Variants in EPB41L2 observed in about 807,000 individuals in gnomAD.
The protein encoded by EPB41L2 is band 4.1-like protein 2.
A neutral mutation model predicts 113.0 loss-of-function variants in EPB41L2; 43 were observed. The ratio of observed to expected loss-of-function variants is 0.38; its 90% CI spans 0.30 to 0.49. The LOEUF (loss-of-function observed/expected upper bound fraction) is 0.49. Among genes scored for constraint, EPB41L2 ranks in the 20% least tolerant of loss-of-function variants. The probability of loss-of-function intolerance (pLI) is 0.95; values close to 1 mark genes in which losing one functional copy is unlikely to be tolerated. For missense variants in EPB41L2, 1,147 were observed against 1,223.4 expected, an observed-to-expected ratio of 0.94 and a Z score of 0.93; for synonymous variants, 442 against 436.7, an observed-to-expected ratio of 1.01 and a Z score of -0.15.
At chr6:130,840,655 T>A (rs1775182389) in intron 19 of EPB41L2, 57 bp from the exon 20 acceptor site, 1 of 149,246 alleles carries the variant, frequency 6.7e-6, no homozygotes, top group East Asian at 2.0e-4. Context: ...AAACACAGGC[T>A]TGAAAAAAAT....
At chr6:131,047,970 C>T (rs1341915474) in intron 1 of EPB41L2, among the ~76,000 whole-genome samples, 1 of 151,830 alleles carries the variant, frequency 6.6e-6, no homozygotes, top group East Asian at 1.9e-4. Context: ...GAAACCCTGT[C>T]TCTACTAAAA....
chr6:130,901,598 T>C (rs1796330218), intron 6 of EPB41L2, among the ~76,000 whole-genome samples: 1 of 152,218 alleles, frequency 6.6e-6, no homozygotes, highest in Non-Finnish European at 1.5e-5. Context: ...CTTTATCATC[T>C]TGACATTTCT....
chr6:130,959,665 A>T (rs1341845849), intron 1 of EPB41L2, among the ~76,000 whole-genome samples: 1 of 152,144 alleles, frequency 6.6e-6, no homozygotes, highest in Non-Finnish European at 1.5e-5. Context: ...TGCACAGAAA[A>T]CCTTTTTTCC....
At chr6:130,990,994 TG>T (rs76650464) in intron 1 of EPB41L2, among the ~76,000 whole-genome samples, 23,470 of 151,810 alleles carry the variant, frequency 0.15, 2,342 homozygotes, top group East Asian at 0.43. Context: ...GCCTGGCTAA[TG>T]TTTTTTTGTA....
intron 4 of EPB41L2, among the ~76,000 whole-genome samples, chr6:130,910,042 T>C (rs1562462723): frequency 6.6e-6 from 1 of 151,444 alleles, no homozygotes; most frequent in East Asian, 1.9e-4. Flanking sequence ...AAATTTCATA[T>C]GGAACCAAAA....
intron 14 of EPB41L2, among the ~76,000 whole-genome samples, chr6:130,874,273 T>A (rs60531865): frequency 0.014 from 2,146 of 151,184 alleles, 51 homozygotes; most frequent in East Asian, 0.053. Context: ...TTTTTTTTTT[T>A]AAAAAGAAAC....
chr6:130,926,623 C>T lies in EPB41L2; in HGVS notation c.792G>A (p.Gln264=), dbSNP rs758169311. 1.5e-5 allele frequency: 24 copies of T among 1,606,276 alleles called. No individual in the cohort carries two copies. Among genetic ancestry groups the T allele is most frequent in the Middle Eastern group, 3.3e-4 (2 of 6,048 alleles). The change falls in exon 4 of 20, where the codon CAG becomes CAA. Residue 264 remains glutamine (Q), a synonymous_variant. Coordinates refer to ENST00000337057, the MANE Select transcript of EPB41L2 (RefSeq NM_001431.4). ...LEKDYFGLLF[Q]ESPEQKNWLD... The stretch of plus-strand genomic sequence containing the variant: ...CACTTACTTTCTGCTCAGGGCTTTC[C>T]TGAAACAAAAGTCCAAAGTAGTCTT...
chr6:131,050,042 T>A (rs1203167958), intron 1 of EPB41L2, among the ~76,000 whole-genome samples: 2 of 152,220 alleles, frequency 1.3e-5, no homozygotes, highest in African/African-American at 4.8e-5. Flanking sequence ...AAAATTGTTT[T>A]AAAAATCAAA....
intron 16 of EPB41L2, chr6:130,865,876 A>G (rs1783593884): frequency 2.3e-6 from 1 of 437,656 alleles, no homozygotes; most frequent in African/African-American, 2.0e-5. Flanking sequence ...TGGACATAGT[A>G]GGTGGGACTG....
rs79563045 is a variant in EPB41L2 at position 130,994,108 on chromosome 6, A to G, written c.-14-37609T>C. Among the ~76,000 whole-genome samples the G allele has an allele frequency of 0.016, 1,774 of 114,170 alleles. 191 individuals are homozygous for G. In the East Asian group the frequency reaches 0.37, roughly 24 times the overall value. 74.9% of individuals were successfully genotyped at this position (114,170 alleles called of 152,430 possible). ...AGAGACATCTAGTAGATGGCAAACC[A>G]ACCCAGCAGGGAGTCTACCACTCCA... On this transcript the variant is annotated intron_variant, in intron 1 of 19. Coordinates refer to ENST00000337057, the MANE Select transcript of EPB41L2 (RefSeq NM_001431.4).
chr6:130,919,319 A>C (rs1802128775), intron 4 of EPB41L2, among the ~76,000 whole-genome samples: 1 of 152,156 alleles, frequency 6.6e-6, no homozygotes, highest in African/African-American at 2.4e-5. Flanking sequence ...AGACCCAAAC[A>C]AATGTACCTT....
intron 3 of EPB41L2, 55 bp downstream of exon 3, chr6:130,955,050 A>G: frequency 2.0e-6 from 3 of 1,492,708 alleles, no homozygotes; most frequent in Admixed American, 1.7e-5. Context: ...TCTATTCATC[A>G]TGCCATGCCA....
intron 1 of EPB41L2, among the ~76,000 whole-genome samples, chr6:131,023,944 T>C (rs896065277): frequency 6.6e-6 from 1 of 152,032 alleles, no homozygotes; most frequent in African/African-American, 2.4e-5. Context: ...ATTCAGGATC[T>C]GTGTATTGGA....
rs780758511 is a variant in EPB41L2, at chr6:130,954,040, C to CTTTTTTT, written c.705+1058_705+1064dup. Among the ~76,000 whole-genome samples the CTTTTTTT allele has an allele frequency of 8.7e-3, 513 of 58,842 alleles. 70 individuals are homozygous for CTTTTTTT. Among genetic ancestry groups the CTTTTTTT allele is most frequent in the Middle Eastern group, 0.029 (2 of 68 alleles). The allele number at this position is 58,842 out of a possible 152,430, so 38.6% of individuals were successfully genotyped here. On this transcript the variant is annotated intron_variant, in intron 3 of 19. Transcript: ENST00000337057. ...TCCTCTTTTGCTAGTCCTTTTCTTT[C>CTTTTTTT]TTTTTTTTTTTTTTTTTTTTTTTTT...
intron 11 of EPB41L2, among the ~76,000 whole-genome samples, chr6:130,888,984 C>T (rs1269053366): frequency 6.6e-6 from 1 of 152,086 alleles, no homozygotes; most frequent in Non-Finnish European, 1.5e-5. Context: ...CAGATGAAGG[C>T]AATCCATATG....
In EPB41L2 at chr6:130,987,267, A is replaced by G. The variant is rs910673792; in HGVS notation, c.-14-30768T>C. Among the ~76,000 whole-genome samples the G allele has an allele frequency of 5.8e-4, 88 of 152,086 alleles. 4 individuals carry two copies. On this transcript the variant is annotated intron_variant, in intron 1 of 19. Coordinates refer to ENST00000337057, the MANE Select transcript of EPB41L2 (RefSeq NM_001431.4). ...TATGAGCAGAACTGCTGGATCGAAT[A>G]ATTACTCTATGTTAAGTTTCTGAGG...
intron 4 of EPB41L2, among the ~76,000 whole-genome samples, chr6:130,909,224 A>C (rs1206592208): frequency 6.6e-6 from 1 of 152,204 alleles, no homozygotes; most frequent in African/African-American, 2.4e-5. Context: ...CTCTTCAAGG[A>C]CAATAATGGA....
rs562686546 is a variant in EPB41L2 at position 130,939,420 on chromosome 6, A to AT, written c.706-12712dup. 3.0e-3 allele frequency among the ~76,000 whole-genome samples: 459 copies of AT among 152,052 alleles called. 1 individual carries two copies. The highest frequency in any genetic ancestry group is 4.7e-3 in the Non-Finnish European group (316 of 67,956). Reference sequence around the variant, plus strand: ...AGGCGTGTGCCACCAAGCCCGGCTAATTTTTTGTATCTTTAGTAGAGATGT... The same window carrying AT: ...AGGCGTGTGCCACCAAGCCCGGCTAATTTTTTTGTATCTTTAGTAGAGATGT... On this transcript the variant is annotated intron_variant, in intron 3 of 19. Transcript: ENST00000337057.
chr6:130,856,797 C>T (rs1780369383), intron 19 of EPB41L2, among the ~76,000 whole-genome samples: 1 of 152,178 alleles, frequency 6.6e-6, no homozygotes, highest in Non-Finnish European at 1.5e-5. Context: ...TAATTATAAA[C>T]ATTTACCCAC....
Sources: gnomAD v4.1 joint callset for allele counts (sites outside exome capture counted in the v4.1 genomes callset) on GRCh38, gnomAD v4.1.1 for gene constraint, MANE v1.5 for transcripts, NCBI Gene and HGNC (gene_info 2026-07-23, HGNC 2026-07-21) for gene names.